Variants in RNF150 observed in about 807,000 individuals in gnomAD.
RNF150 encodes the protein ring finger protein 150.
RNF150 carries 24 observed loss-of-function variants against 39.3 expected under a neutral mutation model. The ratio of observed to expected loss-of-function variants is 0.61; its 90% CI spans 0.44 to 0.86. RNF150 has a LOEUF of 0.86. Among genes scored for constraint, RNF150 ranks in the 40% least tolerant of loss-of-function variants. The probability of loss-of-function intolerance (pLI) is 0.00; values close to 1 mark genes in which losing one functional copy is unlikely to be tolerated. For synonymous variants in RNF150, 255 were observed against 227.3 expected (o/e 1.12, Z -1.10); for missense variants, 502 against 587.8 (o/e 0.85, Z 1.51).
At chr4:140,990,581 G>T (rs1734159593) in intron 1 of RNF150, among the ~76,000 whole-genome samples, 1 of 152,184 alleles carries the variant, frequency 6.6e-6, no homozygotes, top group Non-Finnish European at 1.5e-5. Context: ...GTGAGAACAT[G>T]CAGTGTTTGG....
At chr4:141,041,137 A>G (rs542516690) in intron 1 of RNF150, among the ~76,000 whole-genome samples, 2 of 152,266 alleles carry the variant, frequency 1.3e-5, no homozygotes, top group African/African-American at 4.8e-5. Flanking sequence ...TACAGCAAAA[A>G]ACTGGAATGT....
intron 1 of RNF150, among the ~76,000 whole-genome samples, chr4:141,206,161 T>C (rs1728371599): frequency 6.6e-6 from 1 of 152,034 alleles, no homozygotes; most frequent in Non-Finnish European, 1.5e-5. Flanking sequence ...GGCTCACACC[T>C]ATAATCCTAG....
chr4:140,917,275 G>A (rs551777798), intron 5 of RNF150, among the ~76,000 whole-genome samples: 10 of 152,154 alleles, frequency 6.6e-5, no homozygotes, highest in Non-Finnish European at 8.8e-5. Flanking sequence ...ACCCATCAGC[G>A]TGCTATATTC....
intron 1 of RNF150, chr4:141,053,611 T>G: frequency 1.3e-6 from 1 of 778,002 alleles, no homozygotes; most frequent in Non-Finnish European, 1.8e-6. Flanking sequence ...TTAAGGAAGA[T>G]ATCATGGAAG....
chr4:141,196,071 A>G (rs899747874), intron 1 of RNF150, among the ~76,000 whole-genome samples: 2 of 152,320 alleles, frequency 1.3e-5, no homozygotes, highest in Middle Eastern at 3.4e-3. Context: ...CAAAATGCCT[A>G]TGGTGAAGAA....
chr4:141,063,241 C>G (rs1024650039), intron 1 of RNF150, among the ~76,000 whole-genome samples: 1 of 152,138 alleles, frequency 6.6e-6, no homozygotes, highest in African/African-American at 2.4e-5. Flanking sequence ...GCATATCTTA[C>G]CTTCTCACAG....
chr4:141,081,790 A>G (rs956656224), intron 1 of RNF150, among the ~76,000 whole-genome samples: 1 of 152,232 alleles, frequency 6.6e-6, no homozygotes, highest in African/African-American at 2.4e-5. Flanking sequence ...ATGTATGTTT[A>G]AAGAACAACT....
chr4:141,186,729 A>G (rs1317281437), intron 1 of RNF150, among the ~76,000 whole-genome samples: 1 of 151,810 alleles, frequency 6.6e-6, no homozygotes, highest in East Asian at 1.9e-4. Context: ...TATTGTGTCT[A>G]TTTGATTCTT....
chr4:141,006,670 C>G (rs1328506070), intron 1 of RNF150, among the ~76,000 whole-genome samples: 3 of 152,182 alleles, frequency 2.0e-5, no homozygotes, highest in African/African-American at 7.2e-5. Context: ...AAAGAAGGGC[C>G]TCTGAATTTC....
intron 1 of RNF150, among the ~76,000 whole-genome samples, chr4:140,982,160 A>G (rs1357228308): frequency 6.6e-6 from 1 of 152,150 alleles, no homozygotes; most frequent in Non-Finnish European, 1.5e-5. Flanking sequence ...TTTGATATGC[A>G]CTTCTTCCAA....
intron 1 of RNF150, among the ~76,000 whole-genome samples, chr4:141,069,619 A>G (rs1175715623): frequency 1.3e-5 from 2 of 150,944 alleles, no homozygotes; most frequent in African/African-American, 4.9e-5. Context: ...TGATTGGAAT[A>G]GTTTCAGAAG....
chr4:141,194,017 T>A (rs959822009), intron 1 of RNF150, among the ~76,000 whole-genome samples: 2 of 152,268 alleles, frequency 1.3e-5, no homozygotes, highest in East Asian at 1.9e-4. Context: ...GATTCTCATA[T>A]GCACATGGTT....
intron 1 of RNF150, among the ~76,000 whole-genome samples, chr4:141,161,482 A>G (rs1727511742): frequency 6.6e-6 from 1 of 152,198 alleles, no homozygotes; most frequent in African/African-American, 2.4e-5. Context: ...GGTAGAAGAG[A>G]AAAGCCTATT....
chr4:140,901,445 T>C (rs1187101080), intron 6 of RNF150, among the ~76,000 whole-genome samples: 1 of 152,180 alleles, frequency 6.6e-6, no homozygotes, highest in African/African-American at 2.4e-5. Flanking sequence ...ATACAGAGAA[T>C]TGTTTGTTAG....
chr4:141,138,301 G>T (rs1040321435), upstream of RNF150, among the ~76,000 whole-genome samples: 6 of 151,924 alleles, frequency 3.9e-5, no homozygotes, highest in African/African-American at 1.5e-4. Flanking sequence ...TTGATTGGTG[G>T]ATTGCATTTT....
intron 1 of RNF150, among the ~76,000 whole-genome samples, chr4:141,188,600 T>C (rs768673363): frequency 1.3e-5 from 2 of 152,210 alleles, no homozygotes; most frequent in African/African-American, 2.4e-5. Context: ...ATTAAGTTGA[T>C]CTTCGATCTC....
At chr4:140,888,075 A>G (rs903977065) in intron 6 of RNF150, among the ~76,000 whole-genome samples, 20 of 152,222 alleles carry the variant, frequency 1.3e-4, no homozygotes, top group African/African-American at 4.8e-4. Context: ...AGCCTGATTA[A>G]AAACCTTAAG....
intron 1 of RNF150, among the ~76,000 whole-genome samples, chr4:141,086,377 A>C (rs965205952): frequency 2.6e-5 from 4 of 152,124 alleles, no homozygotes; most frequent in Admixed American, 2.0e-4. Context: ...TCATGATTGG[A>C]GCATCTTCTT....
At chr4:141,162,155 C>T (rs566605742) in intron 1 of RNF150, among the ~76,000 whole-genome samples, 1 of 152,326 alleles carries the variant, frequency 6.6e-6, no homozygotes, top group African/African-American at 2.4e-5. Flanking sequence ...GGAGGCTATA[C>T]ACTGTAAAGC....
Sources: gnomAD v4.1 joint callset for allele counts (sites outside exome capture counted in the v4.1 genomes callset) on GRCh38, gnomAD v4.1.1 for gene constraint, MANE v1.5 for transcripts, NCBI Gene and HGNC (gene_info 2026-07-23, HGNC 2026-07-21) for gene names.